The following DLG2 variants were observed in gnomAD, a reference collection of about 807,000 sequenced individuals.
The protein encoded by DLG2 is discs large MAGUK scaffold protein 2.
A neutral mutation model predicts 132.5 loss-of-function variants in DLG2; 45 were observed. The ratio of observed to expected loss-of-function variants is 0.34; its 90% CI spans 0.27 to 0.44. DLG2 has a LOEUF of 0.44. Ranked by LOEUF, DLG2 falls within the 20% of genes least tolerant of loss-of-function variation. DLG2 has a pLI of 1.00. For synonymous variants in DLG2, 424 were observed against 419.6 expected (o/e 1.01, Z -0.13); for missense variants, 1,045 against 1,196.9 (o/e 0.87, Z 1.87).
intron 7 of DLG2, among the ~76,000 whole-genome samples, chr11:84,522,807 A>G (rs534129307): frequency 6.6e-6 from 1 of 152,318 alleles, no homozygotes; most frequent in Admixed American, 6.5e-5. Context: ...GTTTTGCTGT[A>G]TAGCTTCTGT....
intron 4 of DLG2, among the ~76,000 whole-genome samples, chr11:85,238,176 T>C (rs2075684218): frequency 6.7e-6 from 1 of 150,214 alleles, no homozygotes; most frequent in Admixed American, 6.7e-5. Flanking sequence ...TTTCCTATTA[T>C]CTTAACTTTT....
intron 18 of DLG2, among the ~76,000 whole-genome samples, chr11:83,749,856 C>G (rs181042062): frequency 6.6e-6 from 1 of 152,304 alleles, no homozygotes; most frequent in East Asian, 1.9e-4. Context: ...AGAACAGCCA[C>G]AAAGCCTGAC....
intron 3 of DLG2, among the ~76,000 whole-genome samples, chr11:85,318,551 A>G (rs2080844309): frequency 6.6e-6 from 1 of 151,898 alleles, no homozygotes; most frequent in Non-Finnish European, 1.5e-5. Context: ...AGCTGATAAA[A>G]TGCTTCCCAA....
At chr11:85,613,419 G>A (rs893565068) in intron 2 of DLG2, among the ~76,000 whole-genome samples, 4 of 152,124 alleles carry the variant, frequency 2.6e-5, no homozygotes, top group African/African-American at 4.8e-5. Context: ...AGCAGTCATC[G>A]GCCAAATTCC....
chr11:85,500,556 TAA>T (rs869296772), intron 3 of DLG2, among the ~76,000 whole-genome samples: 1 of 38,550 alleles, frequency 2.6e-5, no homozygotes, highest in Non-Finnish European at 6.7e-5. Context: ...AAAATAAAAA[TAA>T]AATAAATAAA....
intron 15 of DLG2, among the ~76,000 whole-genome samples, chr11:83,896,585 C>T (rs527519120): frequency 4.1e-4 from 63 of 152,264 alleles, no homozygotes; most frequent in African/African-American, 7.2e-4. Flanking sequence ...CATTCTCTTA[C>T]GACTGAGTTT....
chr11:83,596,418 A>G lies in DLG2; in HGVS notation c.1940+36793T>C, dbSNP rs1416733201. ...GCTATCACTATTGAATATAATTTAGAATGTTGCCTTGCTCCTCTTCATTTA... is the reference window on the plus strand; with the variant it reads ...GCTATCACTATTGAATATAATTTAGGATGTTGCCTTGCTCCTCTTCATTTA... On this transcript the variant is annotated intron_variant, in intron 19 of 27. Coordinates refer to ENST00000376104, the MANE Select transcript of DLG2 (RefSeq NM_001142699.3). 2.0e-5 allele frequency among the ~76,000 whole-genome samples: 3 copies of G among 152,148 alleles called. No individual in the cohort carries two copies. In the East Asian group the frequency reaches 5.8e-4, roughly 29 times the overall value.
intron 7 of DLG2, among the ~76,000 whole-genome samples, chr11:84,418,541 A>G (rs2098937656): frequency 6.6e-6 from 1 of 152,194 alleles, no homozygotes; most frequent in African/African-American, 2.4e-5. Flanking sequence ...TGAGTTTGAA[A>G]TCCTGGTGGA....
chr11:84,063,936 G>A (rs1210363463), intron 10 of DLG2, among the ~76,000 whole-genome samples: 1 of 150,916 alleles, frequency 6.6e-6, no homozygotes, highest in African/African-American at 2.4e-5. Context: ...ACACAGGAAG[G>A]GGAACATCAT....
intron 16 of DLG2, among the ~76,000 whole-genome samples, chr11:83,847,500 A>G (rs2058847289): frequency 6.6e-6 from 1 of 152,204 alleles, no homozygotes; most frequent in Non-Finnish European, 1.5e-5. Context: ...CAAGTATTTC[A>G]TGTTTTATCT....
At chr11:84,716,810 G>C (rs973188443) in intron 6 of DLG2, among the ~76,000 whole-genome samples, 3 of 151,856 alleles carry the variant, frequency 2.0e-5, no homozygotes, top group African/African-American at 7.2e-5. Flanking sequence ...GGTTAGATGG[G>C]ACTGTAGGTG....
At chr11:83,873,264 T>C (rs2154066136) in intron 16 of DLG2, among the ~76,000 whole-genome samples, 1 of 152,326 alleles carries the variant, frequency 6.6e-6, no homozygotes, top group East Asian at 1.9e-4. Context: ...CTTGTAGGAC[T>C]ACTTTAGAAA....
At chr11:83,692,225 T>C (rs529783821) in intron 18 of DLG2, 1 of 152,302 alleles carries the variant, frequency 6.6e-6, no homozygotes, top group East Asian at 1.9e-4. Context: ...CTGCAACAAA[T>C]CATGGCATGA....
intron 4 of DLG2, among the ~76,000 whole-genome samples, chr11:85,284,201 G>A (rs2078415576): frequency 6.6e-6 from 1 of 151,624 alleles, no homozygotes; most frequent in African/African-American, 2.4e-5. Context: ...AAATTAGGAT[G>A]ATGCTTATTT....
In DLG2 at chr11:85,465,740, A is replaced by G. The variant is rs573490285; in HGVS notation, c.40+132917T>C. On this transcript the variant is annotated intron_variant, in intron 3 of 27. Coordinates refer to ENST00000376104, the MANE Select transcript of DLG2 (RefSeq NM_001142699.3). ...TTTGGGTTGGTTCCAAGTCTTTGCTATTGTGAATAGTGCCACAATAAACAT... is the reference window on the plus strand; with the variant it reads ...TTTGGGTTGGTTCCAAGTCTTTGCTGTTGTGAATAGTGCCACAATAAACAT... 1.8e-3 allele frequency among the ~76,000 whole-genome samples: 280 copies of G among 152,196 alleles called. 1 individual carries two copies. Among genetic ancestry groups the G allele is most frequent in the Non-Finnish European group, 3.1e-3 (211 of 68,012 alleles).
chr11:84,320,700 C>T (rs2098399678), intron 7 of DLG2, among the ~76,000 whole-genome samples: 1 of 151,980 alleles, frequency 6.6e-6, no homozygotes, highest in Admixed American at 6.6e-5. Flanking sequence ...TTTTGTGAGA[C>T]AAAAACAAGC....
intron 4 of DLG2, among the ~76,000 whole-genome samples, 192 bp from the exon 5 acceptor site, chr11:85,154,843 G>A (rs2077488272): frequency 6.6e-6 from 1 of 152,164 alleles, no homozygotes; most frequent in South Asian, 2.1e-4. Context: ...AACATAAAAT[G>A]GGACAGTTAT....
At chr11:83,773,661 C>G (rs2094479468) in intron 18 of DLG2, among the ~76,000 whole-genome samples, 1 of 152,184 alleles carries the variant, frequency 6.6e-6, no homozygotes, top group Non-Finnish European at 1.5e-5. Flanking sequence ...TAACAGAACT[C>G]CCAACAAGCA....
intron 9 of DLG2, among the ~76,000 whole-genome samples, chr11:84,120,620 C>T (rs1214403818): frequency 2.0e-5 from 3 of 152,158 alleles, no homozygotes; most frequent in Admixed American, 6.5e-5. Flanking sequence ...AGCCTGAAAT[C>T]ATTTGGGTTA....
Sources: allele counts gnomAD v4.1 joint callset (sites outside exome capture counted in the v4.1 genomes callset), GRCh38; gene constraint gnomAD v4.1.1; transcripts MANE v1.5; gene names NCBI Gene and HGNC (gene_info 2026-07-23, HGNC 2026-07-21).